The following CIITA variants were observed in gnomAD, a reference collection of about 807,000 sequenced individuals.
The protein encoded by CIITA is MHC class II transactivator.
A neutral mutation model predicts 115.1 loss-of-function variants in CIITA; 72 were observed. The observed-to-expected ratio is 0.63, with a 90% CI of 0.52 to 0.76. CIITA has a LOEUF of 0.76. Ranked by LOEUF, CIITA falls within the 30% of genes least tolerant of loss-of-function variation. CIITA has a pLI of 0.00. For missense variants in CIITA, 1,617 were observed against 1,463.8 expected, an observed-to-expected ratio of 1.10 and a Z score of -1.71; for synonymous variants, 763 against 635.6, an observed-to-expected ratio of 1.20 and a Z score of -3.02.
intron 1 of CIITA, among the ~76,000 whole-genome samples, chr16:10,868,005 T>G (rs2035213331): frequency 6.6e-6 from 1 of 152,128 alleles, no homozygotes; most frequent in African/African-American, 2.4e-5. Context: ...CAAGCGATCC[T>G]CCCACCTTGG....
chr16:10,919,639 G>C (rs2040166810), intron 16 of CIITA, among the ~76,000 whole-genome samples: 2 of 152,132 alleles, frequency 1.3e-5, no homozygotes, highest in South Asian at 4.1e-4. Flanking sequence ...CTTCCAAGTA[G>C]CTGGGTCCTA....
chr16:10,912,813 C>G (rs998223661), intron 13 of CIITA, among the ~76,000 whole-genome samples: 4 of 152,178 alleles, frequency 2.6e-5, no homozygotes, highest in African/African-American at 7.2e-5. Context: ...AGCCTAGAGC[C>G]GGGTGATCAG....
At position 10,901,873 on chromosome 16, in the gene CIITA, T is replaced by G; in HGVS notation, c.482-165T>G. On this transcript the variant is annotated intron_variant, in intron 6 of 19. Transcript: ENST00000324288. The surrounding 1 kb of genome is among the most constrained non-coding windows in gnomAD (Gnocchi z 6.8). ...AGTCACAAGGAGAGGACTGGGGGACTGCCTGGCACAGAGCAGTTGCTGATC... is the reference window on the plus strand; with the variant it reads ...AGTCACAAGGAGAGGACTGGGGGACGGCCTGGCACAGAGCAGTTGCTGATC... 1.0e-6 allele frequency: 1 copy of G among 1,004,550 alleles called. No individual in the cohort carries two copies. Among genetic ancestry groups the G allele is most frequent in the South Asian group, 1.4e-5 (1 of 70,986 alleles). 62.2% of individuals were successfully genotyped at this position (1,004,550 alleles called of 1,614,324 possible). A position where few individuals can be genotyped will look rare whatever the true frequency, so the allele number is the denominator to read the frequency against.
At position 10,879,190 on chromosome 16, in the gene CIITA, GT is replaced by G. The variant is rs2036151808; in HGVS notation, c.52+1811del. ...AAAATGTAGGGCCGGGAAACACCTC[GT>G]TTCCAGCATCCCCGCAACGACTCTG... On this transcript the variant is annotated intron_variant, in intron 1 of 19. Coordinates refer to ENST00000324288, the MANE Select transcript of CIITA (RefSeq NM_000246.4). This position sits in a 1 kb window ranked among gnomAD's most constrained non-coding sequence, Gnocchi z 4.3. The G allele has an allele frequency of 5.6e-6, 1 of 177,510 alleles. No individual in the cohort carries two copies. Among genetic ancestry groups the G allele is most frequent in the African/African-American group, 2.4e-5 (1 of 42,202 alleles). 11.0% of individuals were successfully genotyped at this position (177,510 alleles called of 1,614,324 possible).
chr16:10,875,025 GTGGCACTATCTA>G (rs1567351791), upstream of CIITA, among the ~76,000 whole-genome samples: 1,106 of 152,010 alleles, frequency 7.3e-3, 13 homozygotes, highest in African/African-American at 0.026. Context: ...CTTGAGTGCA[GTGGCACTATCTA>G]AGCTCACTGC....
chr16:10,908,140 C>A lies in CIITA; in HGVS notation c.2648C>A (p.Thr883Asn), dbSNP rs895427957. 5.1e-6 allele frequency: 8 copies of A among 1,566,270 alleles called. No homozygotes were observed. The highest frequency in any genetic ancestry group is 6.1e-6 in the Non-Finnish European group (7 of 1,155,286). Residue 883 changes from threonine to asparagine, a missense_variant, in exon 11 of 20, where the codon ACC becomes AAC. Thr to Asn is a moderately conservative substitution (Grantham distance 65). Transcript: ENST00000324288. Reference protein sequence around the residue: ...LGSLVGLSCVTRFRAALSDTV... With the variant: ...LGSLVGLSCVNRFRAALSDTV... The stretch of plus-strand genomic sequence containing the variant: ...AGCCTCGTGGGACTCAGCTGTGTCA[C>A]CCGTTTCAGGTGGGGTGAGGGGCTT...
At chr16:10,888,841 A>C (rs960437731) in intron 1 of CIITA, 1 of 152,242 alleles carries the variant, frequency 6.6e-6, no homozygotes, top group Non-Finnish European at 1.5e-5. Flanking sequence ...GGCCAACAGC[A>C]ATTCAAAAAG....
intron 12 of CIITA, among the ~76,000 whole-genome samples, 198 bp downstream of exon 12, chr16:10,909,385 G>C (rs2039403386): frequency 6.6e-6 from 1 of 152,200 alleles, no homozygotes. Flanking sequence ...TGAAAACTTT[G>C]CTGCATTCAA....
intron 5 of CIITA, among the ~76,000 whole-genome samples, chr16:10,900,045 C>T (rs914157807): frequency 7.2e-5 from 11 of 152,140 alleles, no homozygotes; most frequent in African/African-American, 1.4e-4. Context: ...CACGCCACTG[C>T]ACTCCAGCCT....
intron 5 of CIITA, among the ~76,000 whole-genome samples, chr16:10,900,396 T>C (rs2038598276): frequency 6.6e-6 from 1 of 152,192 alleles, no homozygotes. Flanking sequence ...TTTTCTTGTT[T>C]TTCTTCTTTA....
chr16:10,925,671 T>C lies in CIITA; in HGVS notation c.*1816T>C, dbSNP rs1013594780. On this transcript the variant is annotated 3_prime_UTR_variant, in exon 20 of 20. Transcript: ENST00000324288. ...ATTGCTACTGTCCTACCCACCCTCC[T>C]TTCACCACATGTGCACATGCACGTG... is the stretch of plus-strand genomic sequence containing the variant. The C allele has an allele frequency of 6.6e-6, 1 of 152,332 alleles. No homozygotes were observed. The highest frequency in any genetic ancestry group is 2.4e-5 in the African/African-American group (1 of 41,456). 9.4% of individuals were successfully genotyped at this position (152,332 alleles called of 1,614,324 possible).
rs1413464608 is a variant in CIITA at position 10,941,765 on chromosome 16, A to G, written n.891A>G. 5.6e-6 allele frequency: 9 copies of G among 1,613,366 alleles called. No homozygotes were observed. The highest frequency in any genetic ancestry group is 7.6e-6 in the Non-Finnish European group (9 of 1,179,672). On this transcript the variant is annotated non_coding_transcript_exon_variant, in exon 2 of 2. Transcript: ENST00000573379. This position sits in a 1 kb window ranked among gnomAD's most constrained non-coding sequence, Gnocchi z 6.4. ...ACGTCGAGCTCCGAGTCAGCATCGT[A>G]AAGGCCCGAGCCGGGGTCGGAGAGC... is the stretch of plus-strand genomic sequence containing the variant.
chr16:10,912,783 C>T (rs1000331151), intron 13 of CIITA, among the ~76,000 whole-genome samples: 2 of 152,222 alleles, frequency 1.3e-5, no homozygotes, highest in Non-Finnish European at 2.9e-5. Context: ...CTCTGGGGAA[C>T]AGCGGCCATG....
chr16:10,870,773 T>C (rs2035429550), intron 1 of CIITA, among the ~76,000 whole-genome samples: 1 of 152,214 alleles, frequency 6.6e-6, no homozygotes, highest in African/African-American at 2.4e-5. Context: ...TTAAATGAGA[T>C]GGTAGGTAGA....
intron 1 of CIITA, 24 bp downstream of exon 1, chr16:10,877,406 T>C (rs2143435123): frequency 6.2e-7 from 1 of 1,607,862 alleles, no homozygotes; most frequent in South Asian, 1.1e-5. Context: ...GAAAGCATCT[T>C]AATTTAGCGT....
chr16:10,942,145 C>A lies in CIITA; in HGVS notation n.1271C>A. Reference sequence around the variant, plus strand: ...GAAGCAGGGCCGGGCTCCAGATGTCCCCTGGCAATTGCGCCCCGACCCCCG... The same window carrying A: ...GAAGCAGGGCCGGGCTCCAGATGTCACCTGGCAATTGCGCCCCGACCCCCG... On this transcript the variant is annotated non_coding_transcript_exon_variant, in exon 2 of 2. Coordinates refer to the CIITA transcript ENST00000573379. This position sits in a 1 kb window ranked among gnomAD's most constrained non-coding sequence, Gnocchi z 5.0. 3 of 625,752 alleles carry A rather than the reference C, an allele frequency of 4.8e-6. No individual in the cohort carries two copies. The highest frequency in any genetic ancestry group is 4.8e-6 in the Non-Finnish European group (2 of 416,758). The allele number at this position is 625,752 out of a possible 1,614,324, so 38.8% of individuals were successfully genotyped here.
At chr16:10,902,011 T>C (rs2144552317) in intron 6 of CIITA, 27 bp from the exon 7 acceptor site, 1 of 1,613,392 alleles carries the variant, frequency 6.2e-7, no homozygotes, top group South Asian at 1.1e-5. Context: ...AAGCACCCAG[T>C]CTCTAACACA....
At chr16:10,916,998 A>G (rs1354239979) in intron 15 of CIITA, 2 of 250,994 alleles carry the variant, frequency 8.0e-6, no homozygotes, top group Non-Finnish European at 1.6e-5. Context: ...GTCGGTAATT[A>G]TAAAGTATAC....
chr16:10,902,609 AAC>A, intron 7 of CIITA, 47 bp from the exon 8 acceptor site: 1 of 1,613,032 alleles, frequency 6.2e-7, no homozygotes, highest in Non-Finnish European at 8.5e-7. Flanking sequence ...CAGAATCGCA[AAC>A]ACAGGTGCTA....
Sources: gnomAD v4.1 joint callset for allele counts (sites outside exome capture counted in the v4.1 genomes callset) on GRCh38, gnomAD v4.1.1 for gene constraint, Gnocchi (gnomAD v3.1) non-coding constraint, MANE v1.5 for transcripts, NCBI Gene and HGNC (gene_info 2026-07-23, HGNC 2026-07-21) for gene names.